RASGRP2: variants seen among roughly 807,000 people sequenced by gnomAD.
RASGRP2 encodes the protein RAS guanyl releasing protein 2, also known as RAS guanyl-releasing protein 2.
Under a neutral mutation model 71.0 loss-of-function variants are expected in RASGRP2, and 44 were observed. The ratio of observed to expected loss-of-function variants is 0.62; its 90% CI spans 0.49 to 0.80. RASGRP2 has a LOEUF of 0.80. Ranked by LOEUF, RASGRP2 falls within the 30% of genes least tolerant of loss-of-function variation. The pLI, the probability that RASGRP2 is intolerant of heterozygous loss-of-function variation, is 0.00. For missense variants in RASGRP2, 663 were observed against 813.4 expected, an observed-to-expected ratio of 0.82 and a Z score of 2.25; for synonymous variants, 350 against 330.7, an observed-to-expected ratio of 1.06 and a Z score of -0.63.
upstream of RASGRP2, chr11:64,744,763 G>A (rs577501817): frequency 6.7e-6 from 1 of 149,946 alleles, no homozygotes; most frequent in African/African-American, 2.4e-5. Flanking sequence ...GCCGCAAGGA[G>A]CCCGCACCGG....
At chr11:64,734,175 G>A (rs1157566462) in intron 12 of RASGRP2, among the ~76,000 whole-genome samples, 3 of 151,814 alleles carry the variant, frequency 2.0e-5, no homozygotes, top group South Asian at 4.2e-4. Context: ...AGCCAGGCAC[G>A]GTGATGCATG....
At position 64,734,834 on chromosome 11, in the gene RASGRP2, C is replaced by T. The variant is rs924613600; in HGVS notation, c.1412+278G>A. 2.6e-5 allele frequency among the ~76,000 whole-genome samples: 4 copies of T among 152,310 alleles called. No individual in the cohort carries two copies. In the South Asian group the frequency reaches 8.3e-4, roughly 32 times the overall value. On this transcript the variant is annotated intron_variant, in intron 12 of 16. Transcript: ENST00000394432. ...CACTTCTTGACAGCTGTGAGCTCCA[C>T]AAATAAAACAGCACTTTTGTAGCCA...
At position 64,735,598 on chromosome 11, in the gene RASGRP2, C is replaced by T. The variant is rs2057907283; in HGVS notation, c.1240G>A (p.Ala414Thr). 1 of 1,614,104 alleles carries T rather than the reference C, an allele frequency of 6.2e-7. No homozygotes were observed. Among genetic ancestry groups the T allele is most frequent in the Admixed American group, 1.7e-5 (1 of 60,026 alleles). Reference protein sequence around the residue: ...PPVLEEWTSAAKPKLDQALVV... With the variant: ...PPVLEEWTSATKPKLDQALVV... ...AGGGCCTGATCCAGCTTGGGTTTGGCAGCCGAGGTCCACTCCTCCAGTACC... is the reference window on the plus strand; with the variant it reads ...AGGGCCTGATCCAGCTTGGGTTTGGTAGCCGAGGTCCACTCCTCCAGTACC... Residue 414 changes from alanine to threonine, a missense_variant, in exon 11 of 17, where the codon GCC becomes ACC. By Grantham distance (58) the Ala-to-Thr change is moderately conservative (BLOSUM62 0). Coordinates refer to ENST00000394432, the MANE Select transcript of RASGRP2 (RefSeq NM_001098671.2). The surrounding 1 kb of genome is among the most constrained non-coding windows in gnomAD (Gnocchi z 4.2).
At chr11:64,744,368 G>A, upstream of RASGRP2, 2 of 967,202 alleles carry the variant, frequency 2.1e-6, no homozygotes, top group Non-Finnish European at 2.5e-6. Context: ...CTCCTGTACG[G>A]AGTTCTCAGG....
rs2301562 is a variant in RASGRP2 at position 64,730,129 on chromosome 11, C to G, written c.1478G>C (p.Gly493Ala). 369 of 1,551,334 alleles carry G rather than the reference C, an allele frequency of 2.4e-4. 3 individuals carry two copies. The East Asian group carries it at 8.8e-3, about 37-fold the overall frequency. ...YFLRSSSVLG[G>A]RMGFVHNFQE... ...GAAGTTGTGTACGAAGCCCATGCGC[C>G]CCCCCAACACAGAGCTGGAGCGCAG... Residue 493 changes from glycine (G) to alanine (A), a missense_variant, in exon 13 of 17, where the codon GGG becomes GCG. Gly to Ala is a moderately conservative substitution (Grantham distance 60). Coordinates refer to ENST00000394432, the MANE Select transcript of RASGRP2 (RefSeq NM_001098671.2).
At position 64,742,663 on chromosome 11, in the gene RASGRP2, A is replaced by G; in HGVS notation, c.73+131T>C. ...TGCGTTGCGGAGGAGGCTTTCGTTAAAGAGACTGCACGCTGCGGAGCAGGG... is the reference window on the plus strand; with the variant it reads ...TGCGTTGCGGAGGAGGCTTTCGTTAGAGAGACTGCACGCTGCGGAGCAGGG... On this transcript the variant is annotated intron_variant, in intron 2 of 16. Transcript: ENST00000394432. This position sits in a 1 kb window ranked among gnomAD's most constrained non-coding sequence, Gnocchi z 4.7. The G allele has an allele frequency of 8.0e-7, 1 of 1,254,680 alleles. No individual in the cohort carries two copies. Among genetic ancestry groups the G allele is most frequent in the Non-Finnish European group, 1.1e-6 (1 of 887,968 alleles). 77.7% of individuals were successfully genotyped at this position (1,254,680 alleles called of 1,614,324 possible).
Position 64,741,552 on chromosome 11 carries a change from G to GT in RASGRP2, c.177-52dup, listed in dbSNP as rs1467286112. 10 of 1,461,036 alleles carry GT rather than the reference G, an allele frequency of 6.8e-6. No individual in the cohort carries two copies. The Admixed American group carries it at 1.8e-4, about 26-fold the overall frequency. The allele number at this position is 1,461,036 out of a possible 1,614,324, so 90.5% of individuals were successfully genotyped here. A position where few individuals can be genotyped will look rare whatever the true frequency, so the allele number is the denominator to read the frequency against. On this transcript the variant is annotated intron_variant, in intron 3 of 16. Coordinates refer to ENST00000394432, the MANE Select transcript of RASGRP2 (RefSeq NM_001098671.2). ...CTTAACTCTAGAAAGGGAGGCCTGC[G>GT]TGGAGGGAGGCTGGGGGCGGGGCCT...
chr11:64,740,380 A>G, intron 5 of RASGRP2: 2 of 703,888 alleles, frequency 2.8e-6, no homozygotes, highest in Admixed American at 4.1e-5. Flanking sequence ...TGTGCCAGGC[A>G]CTGTGCTAGG....
Position 64,743,186 on chromosome 11 carries a change from G to T in RASGRP2, c.-71-249C>A, listed in dbSNP as rs1191866133. On this transcript the variant is annotated intron_variant, in intron 1 of 16. Coordinates refer to ENST00000394432, the MANE Select transcript of RASGRP2 (RefSeq NM_001098671.2). The surrounding 1 kb of genome is among the most constrained non-coding windows in gnomAD (Gnocchi z 4.9). Reference sequence around the variant, plus strand: ...GGCCGAGGGGCTTCACGAGGATGGGGACGAACCAAGATCCCAGGACTGGCT... The same window carrying T: ...GGCCGAGGGGCTTCACGAGGATGGGTACGAACCAAGATCCCAGGACTGGCT... The T allele has an allele frequency of 1.8e-6, 1 of 571,064 alleles. No homozygotes were observed. The highest frequency in any genetic ancestry group is 3.3e-6 in the Non-Finnish European group (1 of 301,320). The allele number at this position is 571,064 out of a possible 1,614,324, so 35.4% of individuals were successfully genotyped here.
At chr11:64,740,636 C>T (rs150550123) in intron 5 of RASGRP2, 4 of 647,092 alleles carry the variant, frequency 6.2e-6, no homozygotes, top group African/African-American at 3.6e-5. Flanking sequence ...CTTGGTAACA[C>T]GGAGGAGGCA....
At position 64,727,322 on chromosome 11, in the gene RASGRP2, C is replaced by A. The variant is rs772891437; in HGVS notation, c.1810G>T (p.Val604Leu). Residue 604 changes from valine to leucine, a missense_variant, in exon 16 of 17, where the codon GTG becomes TTG. Val to Leu is a conservative substitution (Grantham distance 32). Coordinates refer to ENST00000394432, the MANE Select transcript of RASGRP2 (RefSeq NM_001098671.2). ...EEEVQTVEDG[V>L]FDIHL ...ATCTATTACAAGTGGATGTCAAACA[C>A]CCCATCCTCCACCGTCTGTACCTCC... 7 of 1,613,806 alleles carry A rather than the reference C, an allele frequency of 4.3e-6. No individual in the cohort carries two copies. The Admixed American group carries it at 5.0e-5, about 12-fold the overall frequency.
In RASGRP2 at chr11:64,742,902, G is replaced by T. The variant is rs769207997; in HGVS notation, c.-36C>A. On this transcript the variant is annotated 5_prime_UTR_variant, in exon 2 of 17. Transcript: ENST00000394432. The surrounding 1 kb of genome is among the most constrained non-coding windows in gnomAD (Gnocchi z 4.7). ...GCGGGGTGGGCTGGGCCCAGGCTGC[G>T]CTCCGGGAGCCTCCCACCGGGCTCG... is the stretch of plus-strand genomic sequence containing the variant. 1.3e-6 allele frequency: 2 copies of T among 1,555,506 alleles called. No homozygotes were observed. Among genetic ancestry groups the T allele is most frequent in the Non-Finnish European group, 1.7e-6 (2 of 1,155,264 alleles).
At chr11:64,741,863 C>G (rs1026483335) in intron 3 of RASGRP2, 147 bp downstream of exon 3, 2 of 744,278 alleles carry the variant, frequency 2.7e-6, no homozygotes, top group East Asian at 2.7e-5. Context: ...GAGCCTAGGC[C>G]CTAGTTGGAG....
At position 64,743,733 on chromosome 11, in the gene RASGRP2, C is replaced by G. The variant is rs901137013; in HGVS notation, c.-72+270G>C. On this transcript the variant is annotated intron_variant, in intron 1 of 16. Coordinates refer to ENST00000394432, the MANE Select transcript of RASGRP2 (RefSeq NM_001098671.2). The surrounding 1 kb of genome is among the most constrained non-coding windows in gnomAD (Gnocchi z 4.9). ...TGTGAGCGCGCACGGAGCAGGGTGT[C>G]CAGAGGGGGGCGCTCGCGCCAAGGG... The G allele has an allele frequency of 3.1e-6, 1 of 324,948 alleles. No individual in the cohort carries two copies. The highest frequency in any genetic ancestry group is 6.0e-6 in the Non-Finnish European group (1 of 167,828). The allele number at this position is 324,948 out of a possible 1,614,324, so 20.1% of individuals were successfully genotyped here. A position where few individuals can be genotyped will look rare whatever the true frequency, so the allele number is the denominator to read the frequency against.
Position 64,729,814 on chromosome 11 carries a change from G to A in RASGRP2, c.1555-16C>T. On this transcript the variant is annotated splice_polypyrimidine_tract_variant and intron_variant, in intron 13 of 16. Transcript: ENST00000394432. ...TGCCCAGGATCTGCAATAGAGGAGG[G>A]GCCGTGGTGGGAGGAGGGATTTAGA... 4 of 1,614,068 alleles carry A rather than the reference G, an allele frequency of 2.5e-6. No individual in the cohort carries two copies. Among genetic ancestry groups the A allele is most frequent in the Non-Finnish European group, 3.4e-6 (4 of 1,179,878 alleles).
rs895759272 is a variant in RASGRP2 at position 64,727,151 on chromosome 11, T to G, written c.*7-20A>C. 8.8e-6 allele frequency: 6 copies of G among 680,832 alleles called. No homozygotes were observed. The African/African-American group carries it at 1.1e-4, about 12-fold the overall frequency. The allele number at this position is 680,832 out of a possible 1,614,324, so 42.2% of individuals were successfully genotyped here. ...CCACAGCTGGGAAGAGAAAAACAGG[T>G]TGTGAGGAAGACACCCCCCTAACAA... On this transcript the variant is annotated intron_variant, in intron 16 of 16. Coordinates refer to ENST00000394432, the MANE Select transcript of RASGRP2 (RefSeq NM_001098671.2).
At chr11:64,744,845 A>C (rs1003716168), upstream of RASGRP2, 2 of 139,804 alleles carry the variant, frequency 1.4e-5, no homozygotes, top group Middle Eastern at 3.7e-3. Flanking sequence ...CCCGCTCTCC[A>C]CGCCGCGGCC....
rs750150071 is a variant in RASGRP2 at position 64,739,760 on chromosome 11, G to A, written c.572C>T (p.Pro191Leu). 1.2e-6 allele frequency: 2 copies of A among 1,613,910 alleles called. No individual in the cohort carries two copies. Among genetic ancestry groups the A allele is most frequent in the East Asian group, 4.5e-5 (2 of 44,870 alleles). Residue 191 changes from proline (P) to leucine (L), a missense_variant, in exon 7 of 17, where the codon CCC (proline) becomes CTC (leucine). By Grantham distance (98) the Pro-to-Leu change is moderately conservative. Transcript: ENST00000394432. This position sits in a 1 kb window ranked among gnomAD's most constrained non-coding sequence, Gnocchi z 4.2. ...FVTHGCTVDN[P>L]VLERFISLFN... is the part of the protein sequence containing the mutation. Reference sequence around the variant, plus strand: ...GAGGGAGATGAACCGCTCCAGGACGGGGTTGTCCACAGTGCAGCCATGAGT... The same window carrying A: ...GAGGGAGATGAACCGCTCCAGGACGAGGTTGTCCACAGTGCAGCCATGAGT...
In RASGRP2 at chr11:64,742,893, C is replaced by T. The variant is rs1592392229; in HGVS notation, c.-27G>A. On this transcript the variant is annotated 5_prime_UTR_variant, in exon 2 of 17. Transcript: ENST00000394432. The surrounding 1 kb of genome is among the most constrained non-coding windows in gnomAD (Gnocchi z 4.7). ...GCCGCCGGCGCGGGGTGGGCTGGGC[C>T]CAGGCTGCGCTCCGGGAGCCTCCCA... 6.4e-7 allele frequency: 1 copy of T among 1,565,288 alleles called. No homozygotes were observed. Among genetic ancestry groups the T allele is most frequent in the East Asian group, 2.3e-5 (1 of 42,928 alleles).
Sources: gnomAD v4.1 joint callset for allele counts (sites outside exome capture counted in the v4.1 genomes callset) on GRCh38, gnomAD v4.1.1 for gene constraint, Gnocchi (gnomAD v3.1) non-coding constraint, MANE v1.5 for transcripts, NCBI Gene and HGNC (gene_info 2026-07-23, HGNC 2026-07-21) for gene names.